Variants in SHISA9 observed in about 807,000 individuals in gnomAD.
The protein encoded by SHISA9 is shisa family member 9, also known as protein shisa-9.
In SHISA9, 13 loss-of-function variants were observed where a neutral mutation model predicts 38.0. That is an observed-to-expected ratio of 0.34 (90% confidence interval 0.22 to 0.54). The LOEUF (loss-of-function observed/expected upper bound fraction) is 0.54, where lower values mean the gene tolerates loss of function less well. Among genes scored for constraint, SHISA9 ranks in the 20% least tolerant of loss-of-function variants. The probability of loss-of-function intolerance (pLI) is 0.91; values close to 1 mark genes in which losing one functional copy is unlikely to be tolerated. For missense variants in SHISA9, 538 were observed against 575.8 expected (o/e 0.93, Z 0.67); for synonymous variants, 275 against 242.0 (o/e 1.14, Z -1.27).
At chr16:13,296,933 C>T in the SHISA9 span, among the ~76,000 whole-genome samples, 3 of 139,666 alleles carry the variant, frequency 2.1e-5, no homozygotes, top group Admixed American at 1.4e-4. Context: ...AGAATGCTTT[C>T]TCGTTGTAAA....
chr16:13,482,192 T>C, the SHISA9 span, among the ~76,000 whole-genome samples: 1 of 152,228 alleles, frequency 6.6e-6, no homozygotes, highest in South Asian at 2.1e-4. Context: ...GAGGGTAAAA[T>C]GCAGTCCGGC....
At chr16:13,124,731 T>C (rs1007258593) in intron 2 of SHISA9, among the ~76,000 whole-genome samples, 2 of 152,136 alleles carry the variant, frequency 1.3e-5, no homozygotes, top group African/African-American at 4.8e-5. Flanking sequence ...TACTGAGCTA[T>C]AGTAACCAAA....
the SHISA9 span, among the ~76,000 whole-genome samples, chr16:13,433,786 T>C: frequency 6.6e-6 from 1 of 152,210 alleles, no homozygotes; most frequent in Non-Finnish European, 1.5e-5. Context: ...GTCCACTGAC[T>C]AACCTACCTT....
intron 2 of SHISA9, among the ~76,000 whole-genome samples, chr16:13,124,627 T>C (rs2050241066): frequency 6.6e-6 from 1 of 152,100 alleles, no homozygotes; most frequent in Non-Finnish European, 1.5e-5. Flanking sequence ...TCCTAAAACT[T>C]ATATGGAACC....
chr16:12,973,656 T>C (rs893199084), intron 2 of SHISA9, among the ~76,000 whole-genome samples: 4 of 152,214 alleles, frequency 2.6e-5, no homozygotes, highest in African/African-American at 9.6e-5. Context: ...TGTGTATATG[T>C]AACACATTGA....
the SHISA9 span, among the ~76,000 whole-genome samples, chr16:13,335,371 C>T: frequency 6.6e-6 from 1 of 152,148 alleles, no homozygotes; most frequent in African/African-American, 2.4e-5. Context: ...ATCTTGAATC[C>T]TGATGGCTTT....
intron 2 of SHISA9, among the ~76,000 whole-genome samples, chr16:13,062,850 T>C (rs895132156): frequency 6.6e-6 from 1 of 152,114 alleles, no homozygotes; most frequent in African/African-American, 2.4e-5. Context: ...CCCCTGTAAG[T>C]TGTGCACCCA....
chr16:13,089,186 T>C (rs147106685), intron 2 of SHISA9, among the ~76,000 whole-genome samples: 2,812 of 152,340 alleles, frequency 0.018, 86 homozygotes, highest in African/African-American at 0.063. Context: ...TTTGATGTGC[T>C]GCTGAATTTG....
At chr16:13,435,226 TC>T in the SHISA9 span, among the ~76,000 whole-genome samples, 8,662 of 143,320 alleles carry the variant, frequency 0.06, 244 homozygotes, top group Admixed American at 0.082. Flanking sequence ...ATTCTTAGAA[TC>T]TTTTTTTTTT....
At chr16:12,967,047 C>T (rs2071988895) in intron 2 of SHISA9, among the ~76,000 whole-genome samples, 1 of 152,150 alleles carries the variant, frequency 6.6e-6, no homozygotes, top group African/African-American at 2.4e-5. Context: ...ACCCAGCCAT[C>T]CCATTACTGG....
the SHISA9 span, among the ~76,000 whole-genome samples, chr16:13,542,518 G>A: frequency 6.6e-6 from 1 of 152,224 alleles, no homozygotes; most frequent in Non-Finnish European, 1.5e-5. Flanking sequence ...AGCAGAGATA[G>A]ATCAAGCTCA....
the SHISA9 span, among the ~76,000 whole-genome samples, chr16:13,499,065 C>T: frequency 6.6e-6 from 1 of 152,202 alleles, no homozygotes; most frequent in African/African-American, 2.4e-5. Context: ...CATGCCTGCC[C>T]TGGATAAATC....
intron 4 of SHISA9, among the ~76,000 whole-genome samples, chr16:13,220,781 G>C (rs1413650311): frequency 1.3e-5 from 2 of 152,168 alleles, no homozygotes; most frequent in East Asian, 1.9e-4. Flanking sequence ...CTCAGCCATG[G>C]CTGGAGAATG....
chr16:13,413,262 C>T, the SHISA9 span, among the ~76,000 whole-genome samples: 1 of 152,178 alleles, frequency 6.6e-6, no homozygotes, highest in African/African-American at 2.4e-5. Context: ...TGAGTAGACA[C>T]AGCCTGTCAC....
intron 2 of SHISA9, among the ~76,000 whole-genome samples, chr16:13,001,706 A>G (rs868132954): frequency 5.9e-5 from 9 of 152,228 alleles, no homozygotes; most frequent in African/African-American, 1.9e-4. Context: ...TGTGTCTTAC[A>G]TTCTAAATAA....
chr16:13,425,049 C>T, the SHISA9 span, among the ~76,000 whole-genome samples: 1 of 152,220 alleles, frequency 6.6e-6, no homozygotes, highest in Non-Finnish European at 1.5e-5. Flanking sequence ...ATGGCCTTTG[C>T]AGCAACATAG....
At chr16:12,994,182 G>C (rs1468159905) in intron 2 of SHISA9, among the ~76,000 whole-genome samples, 1 of 152,152 alleles carries the variant, frequency 6.6e-6, no homozygotes, top group Non-Finnish European at 1.5e-5. Context: ...ACGATTGGAA[G>C]GGCTGAGGGA....
chr16:13,014,808 T>C (rs750308674), intron 2 of SHISA9, among the ~76,000 whole-genome samples: 1 of 152,254 alleles, frequency 6.6e-6, no homozygotes, highest in African/African-American at 2.4e-5. Flanking sequence ...CTTTGTTCTT[T>C]TGTTTGAAAT....
intron 2 of SHISA9, among the ~76,000 whole-genome samples, chr16:13,184,591 C>T (rs2050804824): frequency 6.6e-6 from 1 of 152,114 alleles, no homozygotes; most frequent in African/African-American, 2.4e-5. Context: ...GTTTTGTTCC[C>T]CCACCACCAA....
Sources: gnomAD v4.1 joint callset for allele counts (sites outside exome capture counted in the v4.1 genomes callset) on GRCh38, gnomAD v4.1.1 for gene constraint, MANE v1.5 for transcripts, NCBI Gene and HGNC (gene_info 2026-07-23, HGNC 2026-07-21) for gene names.